ARHGAP25: variants seen among roughly 807,000 people sequenced by gnomAD.
ARHGAP25 encodes the protein Rho GTPase activating protein 25.
In ARHGAP25, 34 loss-of-function variants were observed where a neutral mutation model predicts 71.0. The ratio of observed to expected loss-of-function variants is 0.48; its 90% confidence interval spans 0.36 to 0.64. ARHGAP25 has a LOEUF of 0.64. Among genes scored for constraint, ARHGAP25 ranks in the 30% least tolerant of loss-of-function variants. ARHGAP25 has a pLI of 0.00. For synonymous variants in ARHGAP25, 282 were observed against 296.5 expected (o/e 0.95, Z 0.50); for missense variants, 706 against 805.1 (o/e 0.88, Z 1.49).
rs533148462 is a variant in ARHGAP25 at position 68,727,184 on chromosome 2, G to A, written c.-18+16486G>A. Among the ~76,000 whole-genome samples the A allele has an allele frequency of 5.5e-4, 83 of 152,246 alleles. 1 individual carries two copies. In the South Asian group the frequency reaches 0.017, roughly 32 times the overall value. On this transcript the variant is annotated intron_variant and NMD_transcript_variant, in intron 2 of 7. Transcript: ENST00000463483. Reference sequence around the variant, plus strand: ...ACTGGTTGAGTGCGTCTGCAACACGGGGGCCCACGTTCAAATGCCTGCACG... The same window carrying A: ...ACTGGTTGAGTGCGTCTGCAACACGAGGGCCCACGTTCAAATGCCTGCACG...
intron 4 of ARHGAP25, among the ~76,000 whole-genome samples, chr2:68,802,984 T>C (rs1375352040): frequency 7.3e-6 from 1 of 136,832 alleles, no homozygotes; most frequent in Non-Finnish European, 1.6e-5. Flanking sequence ...CACATATATA[T>C]ACACACATAT....
At chr2:68,756,859 C>A (rs1317999716) in intron 1 of ARHGAP25, among the ~76,000 whole-genome samples, 1 of 151,872 alleles carries the variant, frequency 6.6e-6, no homozygotes, top group African/African-American at 2.4e-5. Flanking sequence ...ATCTACTAGA[C>A]AAAGACTTTT....
chr2:68,781,188 C>A (rs1205059627), intron 2 of ARHGAP25, among the ~76,000 whole-genome samples: 10 of 151,990 alleles, frequency 6.6e-5, no homozygotes, highest in Non-Finnish European at 1.3e-4. Flanking sequence ...GAGATCTAGA[C>A]CATCCTGGCT....
At chr2:68,784,344 T>A (rs1678590721) in intron 3 of ARHGAP25, among the ~76,000 whole-genome samples, 1 of 152,248 alleles carries the variant, frequency 6.6e-6, no homozygotes, top group South Asian at 2.1e-4. Context: ...AGAGAATTTT[T>A]AGTTCCTCTT....
intron 2 of ARHGAP25, among the ~76,000 whole-genome samples, chr2:68,718,530 A>AGTGTGT (rs34203928): frequency 1.2e-3 from 186 of 151,252 alleles, no homozygotes; most frequent in Middle Eastern, 3.4e-3. Flanking sequence ...GAAATATATA[A>AGTGTGT]GTGTGTGTGT....
At chr2:68,787,373 A>G (rs2104401208) in intron 3 of ARHGAP25, among the ~76,000 whole-genome samples, 1 of 152,332 alleles carries the variant, frequency 6.6e-6, no homozygotes, top group Middle Eastern at 3.4e-3. Flanking sequence ...TGAAAAAAGC[A>G]CACATCTATT....
chr2:68,802,440 A>G (rs1388599837), intron 4 of ARHGAP25, among the ~76,000 whole-genome samples: 1 of 150,288 alleles, frequency 6.7e-6, no homozygotes, highest in East Asian at 2.0e-4. Context: ...GAATGTGCCA[A>G]CCTATTTGGG....
At chr2:68,821,826 T>C (rs1289090394) in intron 9 of ARHGAP25, among the ~76,000 whole-genome samples, 1 of 152,110 alleles carries the variant, frequency 6.6e-6, no homozygotes. Context: ...TGTTGATCTC[T>C]TTCTTCACAA....
At chr2:68,776,952 C>G (rs758739833) in intron 2 of ARHGAP25, among the ~76,000 whole-genome samples, 4 of 152,130 alleles carry the variant, frequency 2.6e-5, no homozygotes, top group East Asian at 1.9e-4. Flanking sequence ...ATCAGCAGGA[C>G]TTGGTTAACC....
intron 4 of ARHGAP25, among the ~76,000 whole-genome samples, chr2:68,795,099 C>A (rs532832803): frequency 6.6e-6 from 1 of 151,882 alleles, no homozygotes. Flanking sequence ...TTTTGTATTT[C>A]GATGGTATTA....
intron 3 of ARHGAP25, among the ~76,000 whole-genome samples, chr2:68,787,409 C>T (rs115035398): frequency 3.0e-4 from 45 of 152,346 alleles, no homozygotes; most frequent in Admixed American, 1.6e-3. Flanking sequence ...CTGAGGTTGT[C>T]ATCTCCTACC....
At chr2:68,811,002 G>A (rs959870267) in intron 5 of ARHGAP25, among the ~76,000 whole-genome samples, 9 of 152,128 alleles carry the variant, frequency 5.9e-5, no homozygotes, top group Non-Finnish European at 8.8e-5. Context: ...TTGGCCTCCC[G>A]AAGTGCTGGG....
chr2:68,821,574 C>T (rs534330329), intron 9 of ARHGAP25, among the ~76,000 whole-genome samples: 1 of 152,318 alleles, frequency 6.6e-6, no homozygotes, highest in African/African-American at 2.4e-5. Flanking sequence ...TGTCATTTTA[C>T]ACTTCCAGAA....
Position 68,735,005 on chromosome 2 carries a change from G to A in ARHGAP25, c.-195G>A, listed in dbSNP as rs10048745. The A allele has an allele frequency of 0.24, 146,987 of 623,238 alleles. 18,022 individuals carry two copies. Among genetic ancestry groups the A allele is most frequent in the Middle Eastern group, 0.27 (612 of 2,308 alleles). The allele number at this position is 623,238 out of a possible 1,614,324, so 38.6% of individuals were successfully genotyped here. On this transcript the variant is annotated 5_prime_UTR_variant, in exon 1 of 11. It removes an upstream start codon present in the reference 5' UTR. Coordinates refer to ENST00000409202, the MANE Select transcript of ARHGAP25 (RefSeq NM_001007231.3). ...TGGGTGCCATCCTCCAGTGACAGAT[G>A]GATGGACCTTTCATCTAAGAGAAAG...
intron 5 of ARHGAP25, among the ~76,000 whole-genome samples, chr2:68,812,562 C>G (rs936108417): frequency 6.6e-6 from 1 of 152,228 alleles, no homozygotes; most frequent in African/African-American, 2.4e-5. Context: ...CCTATGTGTT[C>G]CCATCTCTGC....
intron 3 of ARHGAP25, among the ~76,000 whole-genome samples, chr2:68,784,248 A>C (rs1005110088): frequency 1.3e-5 from 2 of 152,140 alleles, no homozygotes; most frequent in African/African-American, 4.8e-5. Context: ...AGTAATAATA[A>C]GATAGGAAAC....
At chr2:68,792,797 G>A (rs747368075) in intron 4 of ARHGAP25, among the ~76,000 whole-genome samples, 1 of 152,144 alleles carries the variant, frequency 6.6e-6, no homozygotes, top group East Asian at 1.9e-4. Flanking sequence ...ACCCAGTAGT[G>A]GGATTGCTGG....
At chr2:68,738,995 A>G (rs1374663439) in intron 1 of ARHGAP25, among the ~76,000 whole-genome samples, 2 of 152,214 alleles carry the variant, frequency 1.3e-5, no homozygotes, top group African/African-American at 2.4e-5. Context: ...ACATTTAGGC[A>G]TAAATTAAAT....
At chr2:68,770,614 A>G (rs565314275) in intron 1 of ARHGAP25, among the ~76,000 whole-genome samples, 5 of 152,314 alleles carry the variant, frequency 3.3e-5, no homozygotes, top group Admixed American at 2.6e-4. Flanking sequence ...AAAAGCAGCT[A>G]ACTTCTACAG....
Sources: gnomAD v4.1 joint callset for allele counts (sites outside exome capture counted in the v4.1 genomes callset) on GRCh38, gnomAD v4.1.1 for gene constraint, MANE v1.5 for transcripts, NCBI Gene and HGNC (gene_info 2026-07-23, HGNC 2026-07-21) for gene names.